Variants in RPA1 observed in about 807,000 individuals in gnomAD.
RPA1 encodes the protein replication protein A1, also known as replication protein A 70 kDa DNA-binding subunit.
RPA1 carries 49 observed loss-of-function variants against 83.0 expected under a neutral mutation model. The observed-to-expected ratio is 0.59, with a 90% CI of 0.47 to 0.75. RPA1 has a LOEUF of 0.75. RPA1 is among the 30% of genes least tolerant of loss of function. RPA1 has a pLI of 0.00. For synonymous variants in RPA1, 279 were observed against 281.8 expected (o/e 0.99, Z 0.10); for missense variants, 693 against 776.1 (o/e 0.89, Z 1.27).
At position 1,879,629 on chromosome 17, in the gene RPA1, T is replaced by G; in HGVS notation, c.1022T>G (p.Val341Gly). 1 of 1,614,194 alleles carries G rather than the reference T, an allele frequency of 6.2e-7. No individual in the cohort carries two copies. Among genetic ancestry groups the G allele is most frequent in the Non-Finnish European group, 8.5e-7 (1 of 1,180,040 alleles). The change falls in exon 11 of 17, where the codon GTT (valine) becomes GGT (glycine). Residue 341 changes from valine (V) to glycine (G), a missense_variant. By Grantham distance (109) the Val-to-Gly change is moderately radical. Transcript: ENST00000254719. ...KITVRSNNRE[V>G]AKRNIYLMDT... ...ACAGTGAGGTCTAACAACAGAGAAG[T>G]TGCCAAGAGGAATATCTACTTGATG...
intron 1 of RPA1, among the ~76,000 whole-genome samples, chr17:1,831,948 C>T (rs1385095449): frequency 7.5e-6 from 1 of 133,170 alleles, no homozygotes; most frequent in Non-Finnish European, 1.6e-5. Context: ...ACTCTTTCTC[C>T]CCATACCCCC....
intron 13 of RPA1, among the ~76,000 whole-genome samples, chr17:1,888,233 T>C (rs1914066546): frequency 6.6e-6 from 1 of 152,196 alleles, no homozygotes; most frequent in African/African-American, 2.4e-5. Context: ...CTGCCGTGTT[T>C]TGAGCGCGGG....
Position 1,886,733 on chromosome 17 carries a change from G to T in RPA1, c.1375-1942G>T, listed in dbSNP as rs779601456. Among the ~76,000 whole-genome samples the T allele has an allele frequency of 9.7e-4, 132 of 136,172 alleles. 3 individuals are homozygous for T. Among genetic ancestry groups the T allele is most frequent in the Non-Finnish European group, 2.8e-4 (18 of 65,124 alleles). 89.3% of individuals were successfully genotyped at this position (136,172 alleles called of 152,430 possible). Reference sequence around the variant, plus strand: ...TTTTTTTTTTTTTTTTTGAGACAGAGTCTCACTCTGTCACCCAGGCTGGAG... The same window carrying T: ...TTTTTTTTTTTTTTTTTGAGACAGATTCTCACTCTGTCACCCAGGCTGGAG... On this transcript the variant is annotated intron_variant, in intron 13 of 16. Coordinates refer to ENST00000254719, the MANE Select transcript of RPA1 (RefSeq NM_002945.5).
Position 1,830,024 on chromosome 17 carries a change from A to T in RPA1, c.-70A>T. 4.8e-6 allele frequency: 6 copies of T among 1,238,706 alleles called. No homozygotes were observed. Among genetic ancestry groups the T allele is most frequent in the Non-Finnish European group, 5.1e-6 (5 of 979,714 alleles). 76.7% of individuals were successfully genotyped at this position (1,238,706 alleles called of 1,614,324 possible). On this transcript the variant is annotated 5_prime_UTR_variant, in exon 1 of 17. Transcript: ENST00000254719. ...CAACTTCTCGGGCCAATAACTGCGC[A>T]GCGCGCGGGACCCGGGTGGGGAAGC... is the stretch of plus-strand genomic sequence containing the variant.
At chr17:1,855,318 C>A (rs1395438683) in intron 5 of RPA1, among the ~76,000 whole-genome samples, 1 of 148,950 alleles carries the variant, frequency 6.7e-6, no homozygotes, top group Non-Finnish European at 1.5e-5. Context: ...TATGACACCA[C>A]ACCCGGCTAA....
At chr17:1,890,996 G>A (rs1470434224) in intron 14 of RPA1, among the ~76,000 whole-genome samples, 1 of 152,100 alleles carries the variant, frequency 6.6e-6, no homozygotes, top group Non-Finnish European at 1.5e-5. Flanking sequence ...TATTGAGAGC[G>A]CTTTTCACTT....
rs55877872 is a variant in RPA1 at position 1,844,089 on chromosome 17, G to A, written c.163+91G>A. On this transcript the variant is annotated intron_variant, in intron 3 of 16. Transcript: ENST00000254719. ...TGGTTGCCATAATTTGGGGGCATTCGTGAAGTCCGTACTTGCTTGGCTACG... is the reference window on the plus strand; with the variant it reads ...TGGTTGCCATAATTTGGGGGCATTCATGAAGTCCGTACTTGCTTGGCTACG... 328 of 1,069,132 alleles carry A rather than the reference G, an allele frequency of 3.1e-4. 2 individuals are homozygous for A. The East Asian group carries it at 4.4e-3, about 14-fold the overall frequency. The allele number at this position is 1,069,132 out of a possible 1,614,324, so 66.2% of individuals were successfully genotyped here.
At chr17:1,865,475 C>CA (rs1195375161) in intron 5 of RPA1, among the ~76,000 whole-genome samples, 1 of 152,112 alleles carries the variant, frequency 6.6e-6, no homozygotes, top group African/African-American at 2.4e-5. Flanking sequence ...CTGAGATAAT[C>CA]AGACATCTGT....
chr17:1,879,428 GA>G, intron 10 of RPA1, 21 bp downstream of exon 10: 6 of 1,612,686 alleles, frequency 3.7e-6, no homozygotes, highest in Non-Finnish European at 5.1e-6. Flanking sequence ...GTATGAGAAG[GA>G]AGAGCAGGGA....
In RPA1 at chr17:1,879,665, G is replaced by T. The variant is rs777942778; in HGVS notation, c.1058G>T (p.Gly353Val). The change falls in exon 11 of 17, where the codon GGG becomes GTG. Residue 353 changes from glycine to valine, a missense_variant. By Grantham distance (109) the Gly-to-Val change is moderately radical (BLOSUM62 -3). Coordinates refer to ENST00000254719, the MANE Select transcript of RPA1 (RefSeq NM_002945.5). ...KRNIYLMDTS[G>V]KVVTATLWGE... The stretch of plus-strand genomic sequence containing the variant: ...AATATCTACTTGATGGACACATCCG[G>T]GAAGGTGGTGACTGCTACACTGTGG... 3 of 1,614,262 alleles carry T rather than the reference G, an allele frequency of 1.9e-6. No homozygotes were observed. Among genetic ancestry groups the T allele is most frequent in the Non-Finnish European group, 2.5e-6 (3 of 1,180,046 alleles).
At chr17:1,830,359 CTAAA>C (rs757808493) in intron 1 of RPA1, among the ~76,000 whole-genome samples, 17 of 152,220 alleles carry the variant, frequency 1.1e-4, no homozygotes, top group Non-Finnish European at 1.6e-4. Context: ...TAAGAACAAA[CTAAA>C]TAAACGCTTG....
chr17:1,871,758 T>C (rs1913382926), intron 5 of RPA1, among the ~76,000 whole-genome samples: 1 of 152,136 alleles, frequency 6.6e-6, no homozygotes, highest in South Asian at 2.1e-4. Context: ...ACACGCTCAT[T>C]TCCCCCCCTT....
intron 5 of RPA1, among the ~76,000 whole-genome samples, chr17:1,862,791 C>T (rs990487780): frequency 5.7e-5 from 8 of 140,796 alleles, no homozygotes; most frequent in South Asian, 2.3e-4. Context: ...GAACGATCTC[C>T]GCTCACTGCA....
At chr17:1,854,978 A>G (rs181650964) in intron 5 of RPA1, among the ~76,000 whole-genome samples, 1 of 152,278 alleles carries the variant, frequency 6.6e-6, no homozygotes, top group Non-Finnish European at 1.5e-5. Flanking sequence ...TCACCATTAA[A>G]TGTCATGTTA....
intron 2 of RPA1, among the ~76,000 whole-genome samples, chr17:1,843,480 C>G (rs552693088): frequency 1.3e-4 from 19 of 151,900 alleles, no homozygotes; most frequent in Non-Finnish European, 2.8e-4. Context: ...ACATCACTTA[C>G]GTCTCTCTGC....
At chr17:1,859,615 G>A (rs543822696) in intron 5 of RPA1, among the ~76,000 whole-genome samples, 3 of 151,638 alleles carry the variant, frequency 2.0e-5, no homozygotes, top group Non-Finnish European at 2.9e-5. Context: ...CCACTTTGGC[G>A]TTTTTTTTGT....
intron 4 of RPA1, among the ~76,000 whole-genome samples, chr17:1,849,926 C>A (rs1050098078): frequency 1.6e-4 from 24 of 152,040 alleles, no homozygotes; most frequent in Admixed American, 1.3e-3. Flanking sequence ...AATCTCAACA[C>A]TTTAGGAGGC....
At chr17:1,883,353 G>A (rs1597454703) in intron 12 of RPA1, among the ~76,000 whole-genome samples, 1 of 152,052 alleles carries the variant, frequency 6.6e-6, no homozygotes, top group Non-Finnish European at 1.5e-5. Context: ...AGTAGAGACG[G>A]GGTTTCACCA....
intron 12 of RPA1, among the ~76,000 whole-genome samples, chr17:1,881,085 A>T (rs1431340229): frequency 6.6e-6 from 1 of 152,198 alleles, no homozygotes; most frequent in Non-Finnish European, 1.5e-5. Flanking sequence ...TGCCGATCAC[A>T]TCTTCTAGTG....
Sources: allele counts gnomAD v4.1 joint callset (sites outside exome capture counted in the v4.1 genomes callset), GRCh38; gene constraint gnomAD v4.1.1; transcripts MANE v1.5; gene names NCBI Gene and HGNC (gene_info 2026-07-23, HGNC 2026-07-21).